SAMHD1: variants seen among roughly 807,000 people sequenced by gnomAD.
SAMHD1 encodes SAM and HD domain containing deoxynucleoside triphosphate triphosphohydrolase 1.
A neutral mutation model predicts 79.6 loss-of-function variants in SAMHD1; 54 were observed. That is an observed-to-expected ratio of 0.68 (90% CI 0.55 to 0.85). SAMHD1 has a LOEUF of 0.85. Among genes scored for constraint, SAMHD1 ranks in the 40% least tolerant of loss-of-function variants. The pLI is 0.00. For synonymous variants in SAMHD1, 260 were observed against 264.1 expected (o/e 0.98, Z 0.15); for missense variants, 663 against 782.7 (o/e 0.85, Z 1.82).
At chr20:36,943,176 A>G (rs758075151) in intron 2 of SAMHD1, among the ~76,000 whole-genome samples, 1 of 152,114 alleles carries the variant, frequency 6.6e-6, no homozygotes, top group Non-Finnish European at 1.5e-5. Flanking sequence ...AGGTCCATTA[A>G]CAAGTTGATT....
At chr20:36,931,998 G>A (rs747025181) in intron 4 of SAMHD1, among the ~76,000 whole-genome samples, 3 of 151,832 alleles carry the variant, frequency 2.0e-5, no homozygotes, top group Non-Finnish European at 4.4e-5. Context: ...AAAAAAAGAG[G>A]GCCGGGTGCG....
chr20:36,899,222 T>G (rs1408829687), intron 13 of SAMHD1, among the ~76,000 whole-genome samples: 1 of 144,700 alleles, frequency 6.9e-6, no homozygotes, highest in East Asian at 2.0e-4. Flanking sequence ...ACCACCCTGG[T>G]CAACATGGTG....
At chr20:36,894,859 C>T (rs1165322816) in intron 15 of SAMHD1, among the ~76,000 whole-genome samples, 1 of 151,934 alleles carries the variant, frequency 6.6e-6, no homozygotes, top group Non-Finnish European at 1.5e-5. Flanking sequence ...ATCTCTATTT[C>T]TACCCAGCTT....
In SAMHD1 at chr20:36,922,614, A is replaced by G. The variant is rs149180119; in HGVS notation, c.697-3095T>C. Reference sequence around the variant, plus strand: ...GCTGGTGTTGAACTCCTGGGCTCAAAGCTATCCTCCTGCCTTAGCCTCCCA... The same window carrying G: ...GCTGGTGTTGAACTCCTGGGCTCAAGGCTATCCTCCTGCCTTAGCCTCCCA... On this transcript the variant is annotated intron_variant, in intron 6 of 15. Coordinates refer to ENST00000646673, the MANE Select transcript of SAMHD1 (RefSeq NM_015474.4). 4.9e-3 allele frequency among the ~76,000 whole-genome samples: 744 copies of G among 151,128 alleles called. 6 individuals are homozygous for G. The highest frequency in any genetic ancestry group is 0.017 in the African/African-American group (704 of 41,124).
At position 36,941,020 on chromosome 20, in the gene SAMHD1, C is replaced by T. The variant is rs2063640331; in HGVS notation, c.348+19G>A. On this transcript the variant is annotated intron_variant, in intron 3 of 15. Coordinates refer to ENST00000646673, the MANE Select transcript of SAMHD1 (RefSeq NM_015474.4). ...ATCACTTTATATTCAAAAAACATAACAAACTCAGATCCTCTTACCTTCATT... is the reference window on the plus strand; with the variant it reads ...ATCACTTTATATTCAAAAAACATAATAAACTCAGATCCTCTTACCTTCATT... 13 of 1,590,294 alleles carry T rather than the reference C, an allele frequency of 8.2e-6. No homozygotes were observed. The highest frequency in any genetic ancestry group is 1.7e-5 in the Admixed American group (1 of 59,956).
At position 36,951,212 on chromosome 20, in the gene SAMHD1, C is replaced by T. The variant is rs371009998; in HGVS notation, c.208+224G>A. 3.9e-5 allele frequency among the ~76,000 whole-genome samples: 6 copies of T among 152,212 alleles called. No homozygotes were observed. The East Asian group carries it at 1.2e-3, about 29-fold the overall frequency. On this transcript the variant is annotated intron_variant, in intron 1 of 15. Transcript: ENST00000646673. ...GCCTCGGGGAGTCAGTCCCGGGAGCCCCATGCCGCAGGCCCTCCTGGGAAC... is the reference window on the plus strand; with the variant it reads ...GCCTCGGGGAGTCAGTCCCGGGAGCTCCATGCCGCAGGCCCTCCTGGGAAC...
At chr20:36,945,846 G>C (rs908801329) in intron 2 of SAMHD1, among the ~76,000 whole-genome samples, 1 of 152,080 alleles carries the variant, frequency 6.6e-6, no homozygotes, top group Non-Finnish European at 1.5e-5. Flanking sequence ...AGGGGGTTCA[G>C]TGAGCCGGGA....
chr20:36,931,044 A>G, intron 4 of SAMHD1, 169 bp from the exon 5 acceptor site: 2 of 651,324 alleles, frequency 3.1e-6, no homozygotes, highest in Non-Finnish European at 5.6e-6. Flanking sequence ...ACGGAATCCC[A>G]AAAGCAGGAC....
intron 12 of SAMHD1, chr20:36,905,038 C>T: frequency 2.9e-6 from 1 of 340,488 alleles, no homozygotes; most frequent in South Asian, 2.9e-5. Flanking sequence ...GTTCCTTTCC[C>T]TTATATTCAT....
chr20:36,893,193 C>G (rs1254589729), intron 15 of SAMHD1, 127 bp from the exon 16 acceptor site: 1 of 1,173,070 alleles, frequency 8.5e-7, no homozygotes, highest in Non-Finnish European at 1.2e-6. Context: ...TGTCCTCAAT[C>G]CAGGGAAACT....
At chr20:36,950,897 C>T (rs1006361363) in intron 1 of SAMHD1, among the ~76,000 whole-genome samples, 2 of 152,264 alleles carry the variant, frequency 1.3e-5, no homozygotes, top group South Asian at 4.1e-4. Flanking sequence ...CTAAAAGCCC[C>T]AGAACATCCT....
rs991250266 is a variant in SAMHD1, at chr20:36,892,123, G to A, written c.*809C>T. 2.0e-5 allele frequency: 3 copies of A among 152,394 alleles called. No individual in the cohort carries two copies. The South Asian group carries it at 6.2e-4, about 31-fold the overall frequency. The allele number at this position is 152,394 out of a possible 1,614,324, so 9.4% of individuals were successfully genotyped here. ...GTTTGGGGGATTCCTCTGTCACTGGGGTAGGATCTCCCAACAAGAGGCGGC... is the reference window on the plus strand; with the variant it reads ...GTTTGGGGGATTCCTCTGTCACTGGAGTAGGATCTCCCAACAAGAGGCGGC... On this transcript the variant is annotated 3_prime_UTR_variant, in exon 16 of 16. Coordinates refer to ENST00000646673, the MANE Select transcript of SAMHD1 (RefSeq NM_015474.4).
intron 3 of SAMHD1, 44 bp downstream of exon 3, chr20:36,940,995 A>C: frequency 7.2e-7 from 1 of 1,395,202 alleles, no homozygotes; most frequent in Non-Finnish European, 1.0e-6. Context: ...ATTGAGTTAT[A>C]TCACTTTATA....
At chr20:36,903,978 T>C in intron 13 of SAMHD1, 179 bp downstream of exon 13, 1 of 579,382 alleles carries the variant, frequency 1.7e-6, no homozygotes, top group Non-Finnish European at 3.1e-6. Flanking sequence ...TTAAAAATAA[T>C]GGCAAAACAT....
chr20:36,918,527 G>A (rs769106849), intron 7 of SAMHD1, among the ~76,000 whole-genome samples: 3 of 151,600 alleles, frequency 2.0e-5, no homozygotes, highest in Non-Finnish European at 2.9e-5. Context: ...GGCCGGGCGC[G>A]GTGGCGGCTC....
intron 6 of SAMHD1, among the ~76,000 whole-genome samples, chr20:36,923,303 G>T (rs1023015941): frequency 2.8e-4 from 42 of 152,134 alleles, no homozygotes; most frequent in African/African-American, 1.0e-3. Flanking sequence ...CTGGCCAAGA[G>T]AGAGTATTTT....
intron 15 of SAMHD1, chr20:36,893,705 G>T: frequency 2.5e-6 from 1 of 392,664 alleles, no homozygotes; most frequent in Non-Finnish European, 4.5e-6. Flanking sequence ...GATCTTCTTT[G>T]GTTACAAGAT....
At chr20:36,894,536 G>A (rs911710534) in intron 15 of SAMHD1, among the ~76,000 whole-genome samples, 4 of 151,462 alleles carry the variant, frequency 2.6e-5, no homozygotes, top group African/African-American at 7.3e-5. Flanking sequence ...GGAGGCCAAA[G>A]CAGGTGGATC....
intron 2 of SAMHD1, among the ~76,000 whole-genome samples, chr20:36,943,065 G>C (rs1166740691): frequency 6.6e-6 from 1 of 152,194 alleles, no homozygotes. Context: ...GCAGGGTCCA[G>C]GATAAGAGCT....
Sources: allele counts gnomAD v4.1 joint callset (sites outside exome capture counted in the v4.1 genomes callset), GRCh38; gene constraint gnomAD v4.1.1; transcripts MANE v1.5; gene names NCBI Gene and HGNC (gene_info 2026-07-23, HGNC 2026-07-21).